HHIP: variants seen among roughly 807,000 people sequenced by gnomAD.
HHIP encodes the protein hedgehog interacting protein, also known as hedgehog-interacting protein.
HHIP carries 12 observed loss-of-function variants against 74.0 expected under a neutral mutation model. That is an observed-to-expected ratio of 0.16 (90% CI 0.10 to 0.26). The LOEUF is 0.26. Ranked by LOEUF, HHIP falls within the 10% of genes least tolerant of loss-of-function variation. The pLI is 1.00. For missense variants in HHIP, 788 were observed against 845.0 expected, an observed-to-expected ratio of 0.93 and a Z score of 0.84; for synonymous variants, 309 against 311.6, an observed-to-expected ratio of 0.99 and a Z score of 0.09.
chr4:144,712,147 G>A (rs1033701412), intron 8 of HHIP, 76 bp downstream of exon 8: 2 of 1,304,416 alleles, frequency 1.5e-6, no homozygotes, highest in Non-Finnish European at 1.1e-6. Context: ...GAAGAGAAAG[G>A]GATTTCTGAA....
At chr4:144,716,861 A>G (rs2126667953) in intron 10 of HHIP, among the ~76,000 whole-genome samples, 1 of 123,644 alleles carries the variant, frequency 8.1e-6, no homozygotes, top group Non-Finnish European at 1.5e-5. Context: ...AAAGAAAAAA[A>G]AAAAAAAAAA....
intron 7 of HHIP, 97 bp downstream of exon 7, chr4:144,708,408 G>T: frequency 8.0e-7 from 1 of 1,251,142 alleles, no homozygotes. Context: ...TCACAGAGCA[G>T]CCAAAGGTAG....
intron 11 of HHIP, among the ~76,000 whole-genome samples, chr4:144,723,450 T>G (rs1025747537): frequency 1.3e-5 from 2 of 152,174 alleles, no homozygotes; most frequent in African/African-American, 4.8e-5. Flanking sequence ...AAAAATCACT[T>G]CATAAGAGGA....
chr4:144,679,253 G>C (rs1298172489), intron 4 of HHIP, among the ~76,000 whole-genome samples: 1 of 151,964 alleles, frequency 6.6e-6, no homozygotes, highest in Non-Finnish European at 1.5e-5. Flanking sequence ...ATTTGTTTAA[G>C]TTCTTTGTAG....
intron 4 of HHIP, among the ~76,000 whole-genome samples, chr4:144,677,356 G>A (rs546424084): frequency 6.6e-5 from 10 of 152,080 alleles, no homozygotes; most frequent in Non-Finnish European, 1.5e-4. Flanking sequence ...TCATTTTTTC[G>A]CAGGCTTTCT....
chr4:144,652,684 A>G lies in HHIP; in HGVS notation c.359A>G (p.Gln120Arg). The change falls in exon 2 of 13, where the codon CAA (glutamine) becomes CGA (arginine). Residue 120 changes from glutamine (Q) to arginine (R), a missense_variant. Transcript: ENST00000296575. ...TGTGCACTTTGCTCTCCACATTCTC[A>G]AAGCCTGTTCCACTCACCTGAGAGA... ...IKCALCSPHS[Q>R]SLFHSPEREV... 1 of 1,612,050 alleles carries G rather than the reference A, an allele frequency of 6.2e-7. No individual in the cohort carries two copies. Among genetic ancestry groups the G allele is most frequent in the Non-Finnish European group, 8.5e-7 (1 of 1,178,228 alleles).
intron 4 of HHIP, chr4:144,660,288 A>G (rs1172845842): frequency 1.1e-5 from 2 of 180,456 alleles, no homozygotes; most frequent in Non-Finnish European, 2.3e-5. Context: ...TCCTTGTACA[A>G]TGTTTTTACA....
chr4:144,719,216 T>C (rs895078954), intron 11 of HHIP, among the ~76,000 whole-genome samples: 1 of 152,128 alleles, frequency 6.6e-6, no homozygotes, highest in Non-Finnish European at 1.5e-5. Flanking sequence ...GGAATCAGAG[T>C]CCTCAGTTAA....
intron 4 of HHIP, among the ~76,000 whole-genome samples, chr4:144,673,740 T>G (rs1341973058): frequency 6.6e-6 from 1 of 152,182 alleles, no homozygotes; most frequent in Admixed American, 6.5e-5. Context: ...TTTTAAATTG[T>G]AAAATAATTG....
chr4:144,712,196 C>T, intron 8 of HHIP, 125 bp downstream of exon 8: 6 of 800,218 alleles, frequency 7.5e-6, no homozygotes, highest in Non-Finnish European at 1.2e-5. Flanking sequence ...ACTGGCCTAA[C>T]AATCATGCAG....
At chr4:144,655,814 A>T (rs1399276025) in intron 2 of HHIP, among the ~76,000 whole-genome samples, 1 of 152,050 alleles carries the variant, frequency 6.6e-6, no homozygotes, top group Non-Finnish European at 1.5e-5. Context: ...TTTCCCTGGA[A>T]TACATGCTGA....
At chr4:144,675,324 A>T (rs1729143334) in intron 4 of HHIP, among the ~76,000 whole-genome samples, 1 of 152,134 alleles carries the variant, frequency 6.6e-6, no homozygotes, top group Non-Finnish European at 1.5e-5. Flanking sequence ...AATACAATTA[A>T]TTTTTCACAA....
intron 12 of HHIP, among the ~76,000 whole-genome samples, chr4:144,737,250 G>C (rs1292590016): frequency 6.6e-6 from 1 of 151,792 alleles, no homozygotes; most frequent in African/African-American, 2.4e-5. Context: ...GGAAGCAAGA[G>C]GAAGGAAGAA....
intron 10 of HHIP, among the ~76,000 whole-genome samples, chr4:144,718,023 G>A (rs1234083983): frequency 6.6e-6 from 1 of 152,100 alleles, no homozygotes; most frequent in Non-Finnish European, 1.5e-5. Context: ...TGGATGCTGG[G>A]GATGCAGCAG....
intron 4 of HHIP, among the ~76,000 whole-genome samples, chr4:144,687,836 T>A (rs1019194273): frequency 1.3e-5 from 2 of 150,420 alleles, no homozygotes; most frequent in African/African-American, 4.9e-5. Context: ...TAACTTACAT[T>A]CTATTTGCAT....
At chr4:144,721,862 C>A (rs1730647011) in intron 11 of HHIP, among the ~76,000 whole-genome samples, 3 of 149,494 alleles carry the variant, frequency 2.0e-5, no homozygotes, top group African/African-American at 7.4e-5. Flanking sequence ...GAGATTGTGC[C>A]ATTGCACTCC....
chr4:144,647,443 AG>A (rs1192696180), intron 1 of HHIP, among the ~76,000 whole-genome samples: 3 of 152,170 alleles, frequency 2.0e-5, no homozygotes, highest in Admixed American at 6.5e-5. Context: ...GCCCCGTCAG[AG>A]GGGGGTGTCT....
chr4:144,721,370 A>G (rs1395837802), intron 11 of HHIP, among the ~76,000 whole-genome samples: 2 of 152,142 alleles, frequency 1.3e-5, no homozygotes, highest in East Asian at 3.8e-4. Flanking sequence ...TATCTCTTAA[A>G]TCATTTTGGC....
At chr4:144,707,566 A>G (rs1730180207) in intron 6 of HHIP, among the ~76,000 whole-genome samples, 1 of 143,670 alleles carries the variant, frequency 7.0e-6, no homozygotes, top group African/African-American at 2.5e-5. Flanking sequence ...ACTGTGTAAT[A>G]GGCTAACACC....
Sources: allele counts gnomAD v4.1 joint callset (sites outside exome capture counted in the v4.1 genomes callset), GRCh38; gene constraint gnomAD v4.1.1; transcripts MANE v1.5; gene names NCBI Gene and HGNC (gene_info 2026-07-23, HGNC 2026-07-21).